Variants in FRMD4B observed in about 807,000 individuals in gnomAD.
FRMD4B encodes FERM domain containing 4B, also known as FERM domain-containing protein 4B.
In FRMD4B, 74 loss-of-function variants were observed where a neutral mutation model predicts 141.5. That is an observed-to-expected ratio of 0.52 (90% CI 0.43 to 0.63). The LOEUF (loss-of-function observed/expected upper bound fraction) is 0.63. Ranked by LOEUF, FRMD4B falls within the 30% of genes least tolerant of loss-of-function variation. The pLI is 0.00. For missense variants in FRMD4B, 1,366 were observed against 1,253.4 expected (o/e 1.09, Z -1.36); for synonymous variants, 506 against 467.9 (o/e 1.08, Z -1.05).
intron 5 of FRMD4B, among the ~76,000 whole-genome samples, chr3:69,260,034 T>A (rs908518222): frequency 6.6e-6 from 1 of 152,244 alleles, no homozygotes; most frequent in African/African-American, 2.4e-5. Context: ...TGAAGATTAA[T>A]ATTCAGTATT....
At chr3:69,262,528 C>T (rs1253056359) in intron 5 of FRMD4B, among the ~76,000 whole-genome samples, 3 of 126,172 alleles carry the variant, frequency 2.4e-5, no homozygotes, top group African/African-American at 9.2e-5. Flanking sequence ...TGCAATGGCT[C>T]GATCTCCACT....
intron 7 of FRMD4B, among the ~76,000 whole-genome samples, chr3:69,237,235 G>T (rs1179175372): frequency 6.6e-6 from 1 of 152,244 alleles, no homozygotes; most frequent in Non-Finnish European, 1.5e-5. Context: ...GAGGGGCCGG[G>T]AAAGGAAACA....
At chr3:69,228,283 T>C in intron 7 of FRMD4B, 2 of 456,392 alleles carry the variant, frequency 4.4e-6, no homozygotes, top group South Asian at 3.1e-5. Flanking sequence ...GCATATCTTT[T>C]AGACTTACAG....
intron 1 of FRMD4B, among the ~76,000 whole-genome samples, chr3:69,482,320 A>C (rs1169792326): frequency 1.3e-5 from 2 of 152,172 alleles, no homozygotes; most frequent in Non-Finnish European, 1.5e-5. Context: ...CTAACTAAGA[A>C]TATCACAGAA....
chr3:69,211,020 C>A (rs1277231172), intron 11 of FRMD4B, among the ~76,000 whole-genome samples: 3 of 3,496 alleles, frequency 8.6e-4, no homozygotes, highest in Admixed American at 0.014. Flanking sequence ...GAAATGCCAT[C>A]TCGAAAAAAA....
intron 1 of FRMD4B, among the ~76,000 whole-genome samples, chr3:69,477,950 G>T (rs900246942): frequency 3.9e-5 from 6 of 152,040 alleles, no homozygotes; most frequent in Non-Finnish European, 4.4e-5. Flanking sequence ...TATGTGTCCA[G>T]GAATTTATCC....
At chr3:69,482,960 A>C (rs1706155007) in intron 1 of FRMD4B, among the ~76,000 whole-genome samples, 1 of 152,250 alleles carries the variant, frequency 6.6e-6, no homozygotes, top group South Asian at 2.1e-4. Flanking sequence ...GCTAGGCAGG[A>C]GGACCTAGAT....
Position 69,256,555 on chromosome 3 carries a change from A to C in FRMD4B, c.502-6456T>G, listed in dbSNP as rs554719771. ...GGCTGGTCTCGAACTCCTGACTTCAAGTGATTCGCCTGCCTTGGCCTCCCA... is the reference window on the plus strand; with the variant it reads ...GGCTGGTCTCGAACTCCTGACTTCACGTGATTCGCCTGCCTTGGCCTCCCA... On this transcript the variant is annotated intron_variant, in intron 5 of 22. Coordinates refer to ENST00000398540, the MANE Select transcript of FRMD4B (RefSeq NM_015123.3). Among the ~76,000 whole-genome samples, 10 of 152,232 alleles carry C rather than the reference A, an allele frequency of 6.6e-5. No individual in the cohort carries two copies. The East Asian group carries it at 1.9e-3, about 30-fold the overall frequency.
chr3:69,207,215 G>A (rs1164154924), intron 11 of FRMD4B, among the ~76,000 whole-genome samples: 2 of 151,464 alleles, frequency 1.3e-5, no homozygotes, highest in Non-Finnish European at 1.5e-5. Flanking sequence ...TAAGGTGGGA[G>A]GATTGCTTGA....
intron 1 of FRMD4B, among the ~76,000 whole-genome samples, chr3:69,340,301 T>G (rs1222893801): frequency 1.3e-5 from 2 of 152,168 alleles, no homozygotes; most frequent in Non-Finnish European, 2.9e-5. Context: ...GGTTATTTTT[T>G]CTGATACTCT....
At chr3:69,401,817 G>A (rs1704568865) in intron 2 of FRMD4B, among the ~76,000 whole-genome samples, 3 of 152,152 alleles carry the variant, frequency 2.0e-5, no homozygotes, top group African/African-American at 7.2e-5. Context: ...CCAAAGTGCT[G>A]AGACTACAAA....
intron 1 of FRMD4B, among the ~76,000 whole-genome samples, chr3:69,467,409 C>A (rs1030604810): frequency 6.6e-6 from 1 of 152,274 alleles, no homozygotes; most frequent in Non-Finnish European, 1.5e-5. Context: ...TAGAGTGGCA[C>A]CTCACTGTTT....
intron 4 of FRMD4B, among the ~76,000 whole-genome samples, chr3:69,294,291 G>A (rs1340608133): frequency 1.3e-5 from 2 of 152,218 alleles, no homozygotes; most frequent in African/African-American, 4.8e-5. Flanking sequence ...ATTCTGAGCG[G>A]GGAGATCTCT....
intron 1 of FRMD4B, among the ~76,000 whole-genome samples, chr3:69,534,559 C>A (rs916409604): frequency 6.6e-6 from 1 of 152,190 alleles, no homozygotes; most frequent in African/African-American, 2.4e-5. Context: ...GGGGTGAATG[C>A]ATTTGTCTTC....
At chr3:69,500,698 C>T (rs1706480165) in intron 1 of FRMD4B, among the ~76,000 whole-genome samples, 1 of 151,996 alleles carries the variant, frequency 6.6e-6, no homozygotes, top group East Asian at 1.9e-4. Flanking sequence ...CCCCCACCCC[C>T]CAAGCCAGGG....
chr3:69,203,542 TG>T (rs35654769), intron 11 of FRMD4B, among the ~76,000 whole-genome samples: 15,820 of 152,120 alleles, frequency 0.1, 1,043 homozygotes, highest in East Asian at 0.35. Flanking sequence ...CCTTCCATTG[TG>T]GGGCTCACAA....
intron 1 of FRMD4B, among the ~76,000 whole-genome samples, chr3:69,360,861 G>C (rs933002104): frequency 6.6e-6 from 1 of 152,126 alleles, no homozygotes; most frequent in Non-Finnish European, 1.5e-5. Context: ...ATGCTCAACA[G>C]CTATATCATT....
intron 1 of FRMD4B, among the ~76,000 whole-genome samples, chr3:69,476,739 A>G (rs893271931): frequency 6.6e-6 from 1 of 152,190 alleles, no homozygotes; most frequent in Non-Finnish European, 1.5e-5. Context: ...AATTCTGTGA[A>G]GAAAGTCATT....
intron 2 of FRMD4B, among the ~76,000 whole-genome samples, chr3:69,400,911 C>A (rs772040591): frequency 7.2e-5 from 11 of 152,012 alleles, no homozygotes; most frequent in Admixed American, 2.6e-4. Context: ...GGATTTGTTC[C>A]CTGTTCGTAT....
Sources: gnomAD v4.1 joint callset for allele counts (sites outside exome capture counted in the v4.1 genomes callset) on GRCh38, gnomAD v4.1.1 for gene constraint, MANE v1.5 for transcripts, NCBI Gene and HGNC (gene_info 2026-07-23, HGNC 2026-07-21) for gene names.